Variants in PTPRG observed in about 807,000 individuals in gnomAD.
PTPRG encodes the protein protein tyrosine phosphatase receptor type G, also known as receptor-type tyrosine-protein phosphatase gamma.
In PTPRG, 102 loss-of-function variants were observed where a neutral mutation model predicts 165.3. The observed-to-expected ratio is 0.62, with a 90% CI of 0.53 to 0.73. The LOEUF (loss-of-function observed/expected upper bound fraction) is 0.73. Ranked by LOEUF, PTPRG falls within the 30% of genes least tolerant of loss-of-function variation. The pLI is 0.00. For missense variants in PTPRG, 1,866 were observed against 1,861.4 expected, an observed-to-expected ratio of 1.00 and a Z score of -0.05; for synonymous variants, 675 against 669.5, an observed-to-expected ratio of 1.01 and a Z score of -0.13.
chr3:61,826,037 A>G (rs1176617791), intron 2 of PTPRG, among the ~76,000 whole-genome samples: 1 of 152,220 alleles, frequency 6.6e-6, no homozygotes, highest in Non-Finnish European at 1.5e-5. Flanking sequence ...AGCACTCTGC[A>G]TGGTACATAG....
chr3:61,680,528 A>C (rs953720935), intron 1 of PTPRG, among the ~76,000 whole-genome samples: 2 of 150,154 alleles, frequency 1.3e-5, no homozygotes, highest in East Asian at 1.9e-4. Flanking sequence ...ACACAAAAAA[A>C]CAGCATGGGA....
chr3:61,960,160 G>C (rs2040118543), intron 2 of PTPRG, among the ~76,000 whole-genome samples: 1 of 151,668 alleles, frequency 6.6e-6, no homozygotes, highest in Admixed American at 6.6e-5. Context: ...TAGTTTACTT[G>C]CTTCATACCT....
chr3:62,292,012 T>G (rs572325687), intron 28 of PTPRG, among the ~76,000 whole-genome samples: 1 of 152,296 alleles, frequency 6.6e-6, no homozygotes, highest in East Asian at 1.9e-4. Context: ...ATTTAACTGT[T>G]TGGAATTGTT....
At chr3:61,986,103 T>C (rs1189436220) in intron 2 of PTPRG, among the ~76,000 whole-genome samples, 2 of 152,168 alleles carry the variant, frequency 1.3e-5, no homozygotes, top group Non-Finnish European at 2.9e-5. Context: ...TGAACAATCA[T>C]ATTTAATACG....
intron 2 of PTPRG, among the ~76,000 whole-genome samples, chr3:61,930,979 T>G (rs1405247881): frequency 1.3e-5 from 2 of 152,158 alleles, no homozygotes; most frequent in Non-Finnish European, 2.9e-5. Context: ...AAGAATCACT[T>G]GAACCTGGGA....
chr3:61,651,177 C>T lies in PTPRG; in HGVS notation c.85+88805C>T, dbSNP rs189700178. Among the ~76,000 whole-genome samples, 553 of 151,568 alleles carry T rather than the reference C, an allele frequency of 3.6e-3. 7 individuals carry two copies. The highest frequency in any genetic ancestry group is 2.7e-3 in the Non-Finnish European group (182 of 67,926). ...GGAAAAACATAATTTCTATATACTA[C>T]CAGATGGGTGTGTTGGCTGTAAGAT... is the stretch of plus-strand genomic sequence containing the variant. On this transcript the variant is annotated intron_variant, in intron 1 of 29. Coordinates refer to ENST00000474889, the MANE Select transcript of PTPRG (RefSeq NM_002841.4).
At chr3:62,279,667 A>G (rs562542668) in intron 26 of PTPRG, among the ~76,000 whole-genome samples, 1 of 152,104 alleles carries the variant, frequency 6.6e-6, no homozygotes, top group Non-Finnish European at 1.5e-5. Context: ...TGTATAGACT[A>G]AACCCAGTTG....
At chr3:62,077,261 A>AGTTT (rs528790191) in intron 4 of PTPRG, among the ~76,000 whole-genome samples, 4 of 150,412 alleles carry the variant, frequency 2.7e-5, no homozygotes, top group Admixed American at 6.6e-5. Context: ...AGTGAGAGTG[A>AGTTT]GTTTGTTTGT....
At chr3:61,896,708 C>G (rs1299523981) in intron 2 of PTPRG, among the ~76,000 whole-genome samples, 1 of 152,160 alleles carries the variant, frequency 6.6e-6, no homozygotes, top group Non-Finnish European at 1.5e-5. Flanking sequence ...TTTGACATTA[C>G]AATTTGATAT....
At chr3:62,186,324 T>C (rs990562984) in intron 8 of PTPRG, among the ~76,000 whole-genome samples, 2 of 152,104 alleles carry the variant, frequency 1.3e-5, no homozygotes, top group Non-Finnish European at 2.9e-5. Flanking sequence ...CAAAACAGCA[T>C]CCCTCATTCC....
At chr3:61,973,542 T>C (rs1204800475) in intron 2 of PTPRG, among the ~76,000 whole-genome samples, 1 of 152,080 alleles carries the variant, frequency 6.6e-6, no homozygotes, top group Non-Finnish European at 1.5e-5. Context: ...TTTAAGAAAA[T>C]GATTTGGGTC....
At chr3:61,681,426 G>A (rs6445235) in intron 1 of PTPRG, among the ~76,000 whole-genome samples, 151,015 of 152,338 alleles carry the variant, frequency 0.99, 74,866 homozygotes, top group East Asian at 1. Flanking sequence ...TGGGGTATTG[G>A]TCTGCTTTCA....
intron 2 of PTPRG, among the ~76,000 whole-genome samples, chr3:61,909,679 T>C (rs2107537655): frequency 6.7e-6 from 1 of 150,026 alleles, no homozygotes; most frequent in African/African-American, 2.5e-5. Flanking sequence ...AGCCATGGCA[T>C]CTGACCTCAA....
intron 6 of PTPRG, among the ~76,000 whole-genome samples, chr3:62,138,618 C>T (rs1251381623): frequency 3.5e-5 from 5 of 144,242 alleles, no homozygotes; most frequent in African/African-American, 1.0e-4. Context: ...ACTTGGGAGG[C>T]TGAGGCAGGA....
chr3:61,802,792 T>C (rs1332175126), intron 2 of PTPRG, among the ~76,000 whole-genome samples: 13 of 152,152 alleles, frequency 8.5e-5, no homozygotes, highest in Non-Finnish European at 4.4e-5. Context: ...GAAGGCCAGT[T>C]AGATTTCAGG....
At chr3:61,960,754 A>C (rs1472221135) in intron 2 of PTPRG, among the ~76,000 whole-genome samples, 1 of 152,096 alleles carries the variant, frequency 6.6e-6, no homozygotes, top group Non-Finnish European at 1.5e-5. Flanking sequence ...TCATTAAGTA[A>C]TTATAGCTTT....
At chr3:61,738,296 A>ATGTGTG (rs1272645125) in intron 1 of PTPRG, among the ~76,000 whole-genome samples, 2 of 42,112 alleles carry the variant, frequency 4.7e-5, no homozygotes, top group Admixed American at 2.6e-4. Flanking sequence ...ATATATATAT[A>ATGTGTG]TATATATATA....
intron 2 of PTPRG, among the ~76,000 whole-genome samples, chr3:61,916,593 A>G (rs2038941601): frequency 6.6e-6 from 1 of 152,202 alleles, no homozygotes. Context: ...ATAGATGCCT[A>G]TTCGATTGTT....
chr3:61,764,617 C>T (rs956641271), intron 2 of PTPRG, among the ~76,000 whole-genome samples: 1 of 152,144 alleles, frequency 6.6e-6, no homozygotes, highest in Non-Finnish European at 1.5e-5. Context: ...CATCTGAACA[C>T]AGAGGGACTG....
Sources: gnomAD v4.1 joint callset for allele counts (sites outside exome capture counted in the v4.1 genomes callset) on GRCh38, gnomAD v4.1.1 for gene constraint, MANE v1.5 for transcripts, NCBI Gene and HGNC (gene_info 2026-07-23, HGNC 2026-07-21) for gene names.